The following MYO9B variants were observed in gnomAD, a reference collection of about 807,000 sequenced individuals.
MYO9B encodes the protein unconventional myosin-IXb.
In MYO9B, 71 loss-of-function variants were observed where a neutral mutation model predicts 229.5. That is an observed-to-expected ratio of 0.31 (90% CI 0.26 to 0.38). MYO9B has a LOEUF of 0.38. MYO9B is among the 10% of genes least tolerant of loss of function. MYO9B has a pLI of 1.00. For synonymous variants in MYO9B, 1,185 were observed against 1,235.8 expected (o/e 0.96, Z 0.86); for missense variants, 2,255 against 2,920.5 (o/e 0.77, Z 5.25).
In MYO9B at chr19:17,200,843, G is replaced by T. The variant is rs181800017; in HGVS notation, c.4563+14G>T. On this transcript the variant is annotated intron_variant, in intron 26 of 39. Transcript: ENST00000682292. Reference sequence around the variant, plus strand: ...CTGCTCAACAAGGTGGGATCACTAGGCGAGGGCCAGGGGCATGAGGCCCGG... The same window carrying T: ...CTGCTCAACAAGGTGGGATCACTAGTCGAGGGCCAGGGGCATGAGGCCCGG... The T allele has an allele frequency of 3.4e-4, 543 of 1,611,824 alleles. 2 individuals are homozygous for T. In the African/African-American group the frequency reaches 6.9e-3, roughly 21 times the overall value.
At chr19:17,200,037 A>G (rs1309393216) in intron 24 of MYO9B, among the ~76,000 whole-genome samples, 3 of 151,134 alleles carry the variant, frequency 2.0e-5, no homozygotes, top group African/African-American at 7.3e-5. Context: ...ACGCCCTGCT[A>G]TTTTTTTGTA....
At chr19:17,209,182 T>C (rs1448359119) in intron 35 of MYO9B, among the ~76,000 whole-genome samples, 2 of 152,214 alleles carry the variant, frequency 1.3e-5, no homozygotes, top group African/African-American at 4.8e-5. Flanking sequence ...CCTCTGATAC[T>C]GACAACACCA....
Position 17,212,590 on chromosome 19 carries a change from G to A in MYO9B, c.*280G>A, listed in dbSNP as rs1167455626. The A allele has an allele frequency of 9.4e-6, 4 of 424,598 alleles. No individual in the cohort carries two copies. The highest frequency in any genetic ancestry group is 1.7e-5 in the Non-Finnish European group (4 of 241,012). 26.3% of individuals were successfully genotyped at this position (424,598 alleles called of 1,614,324 possible). ...CATCTCCCCACTCCCCTTTTTGTAC[G>A]TTTAACTGTTTCTTTGTACGTGGTT... On this transcript the variant is annotated 3_prime_UTR_variant, in exon 40 of 40. Coordinates refer to ENST00000682292, the MANE Select transcript of MYO9B (RefSeq NM_004145.4). The surrounding 1 kb of genome is among the most constrained non-coding windows in gnomAD (Gnocchi z 5.4).
At position 17,157,026 on chromosome 19, in the gene MYO9B, G is replaced by A. The variant is rs779720862; in HGVS notation, c.1317G>A (p.Ser439=). ...VGPPEVLDTL[S]QLLKVKREIL... ...CACCCGAGGTGCTGGACACCCTGTC[G>A]CAGCTTCTGAAGGTACTGATTGCCA... Residue 439 remains serine, a synonymous_variant, in exon 7 of 40, where the codon TCG becomes TCA. Coordinates refer to ENST00000682292, the MANE Select transcript of MYO9B (RefSeq NM_004145.4). 25 of 1,613,218 alleles carry A rather than the reference G, an allele frequency of 1.5e-5. No individual in the cohort carries two copies. Among genetic ancestry groups the A allele is most frequent in the South Asian group, 1.4e-4 (13 of 91,026 alleles).
chr19:17,101,805 A>AGCCAGGCCTCGT lies in MYO9B; in HGVS notation c.92_103dup (p.Gln31_Cys34dup). On this transcript the variant is annotated inframe_insertion, in exon 2 of 40. Transcript: ENST00000682292. The surrounding 1 kb of genome is among the most constrained non-coding windows in gnomAD (Gnocchi z 4.7). ...CTACCCCCAGCTGTCCACCACCGAG[A>AGCCAGGCCTCGT]GCCAGGCCTCGTGCCGCGTGACTGC... 1 of 1,606,932 alleles carries AGCCAGGCCTCGT rather than the reference A, an allele frequency of 6.2e-7. No homozygotes were observed. Among genetic ancestry groups the AGCCAGGCCTCGT allele is most frequent in the Non-Finnish European group, 8.5e-7 (1 of 1,178,998 alleles).
chr19:17,199,876 T>G (rs1466550471), intron 24 of MYO9B, among the ~76,000 whole-genome samples: 2 of 150,786 alleles, frequency 1.3e-5, no homozygotes, highest in African/African-American at 4.9e-5. Context: ...TTTTTGTTTT[T>G]TTTTTTGAGA....
intron 2 of MYO9B, among the ~76,000 whole-genome samples, chr19:17,113,146 A>C (rs559392477): frequency 6.6e-6 from 1 of 152,222 alleles, no homozygotes; most frequent in African/African-American, 2.4e-5. Flanking sequence ...TCTATGTTAC[A>C]TGAATGCAGA....
intron 1 of MYO9B, among the ~76,000 whole-genome samples, chr19:17,086,617 C>T (rs1287036486): frequency 1.3e-5 from 2 of 152,186 alleles, no homozygotes; most frequent in Non-Finnish European, 2.9e-5. Context: ...CAATGGCTCA[C>T]GCCTGTAATT....
chr19:17,099,977 C>T (rs1276810810), intron 1 of MYO9B, among the ~76,000 whole-genome samples: 2 of 151,320 alleles, frequency 1.3e-5, no homozygotes, highest in African/African-American at 4.9e-5. Flanking sequence ...AAAAATTAGC[C>T]GGGCGTGGTG....
intron 2 of MYO9B, among the ~76,000 whole-genome samples, chr19:17,129,993 A>G (rs556792660): frequency 4.1e-4 from 62 of 151,986 alleles, no homozygotes; most frequent in African/African-American, 1.3e-3. Context: ...CTTTTCAGTT[A>G]TTTTTCTTTA....
At chr19:17,160,120 T>G (rs2072581774) in intron 8 of MYO9B, among the ~76,000 whole-genome samples, 1 of 152,198 alleles carries the variant, frequency 6.6e-6, no homozygotes, top group African/African-American at 2.4e-5. Flanking sequence ...GCAGGATCAC[T>G]TGCAGCTTGT....
chr19:17,143,247 A>G (rs1372793663), intron 2 of MYO9B, among the ~76,000 whole-genome samples: 2 of 150,750 alleles, frequency 1.3e-5, no homozygotes, highest in Non-Finnish European at 3.0e-5. Flanking sequence ...CAAAAAAAAA[A>G]CAAACAAACT....
chr19:17,155,777 G>A (rs1002854394), intron 6 of MYO9B, among the ~76,000 whole-genome samples: 1 of 151,972 alleles, frequency 6.6e-6, no homozygotes, highest in South Asian at 2.1e-4. Flanking sequence ...CCAGCACTTT[G>A]GGAGGCCAAG....
In MYO9B at chr19:17,206,756, C is replaced by G. The variant is rs762335743; in HGVS notation, c.5464C>G (p.Leu1822Val). 1 of 1,589,912 alleles carries G rather than the reference C, an allele frequency of 6.3e-7. No individual in the cohort carries two copies. The highest frequency in any genetic ancestry group is 8.6e-7 in the Non-Finnish European group (1 of 1,168,896). The change falls in exon 34 of 40, where the codon CTG becomes GTG. Residue 1822 changes from leucine to valine, a missense_variant. By Grantham distance (32) the Leu-to-Val change is conservative. Transcript: ENST00000682292. Reference sequence around the variant, plus strand: ...CCTTCCAGAAGCCAACCACAACTCCCTGGAGAGACTCATCTTCCACCTTGT... The same window carrying G: ...CCTTCCAGAAGCCAACCACAACTCCGTGGAGAGACTCATCTTCCACCTTGT... ...EHLPEANHNS[L>V]ERLIFHLVKV...
chr19:17,190,275 C>G (rs892255533), intron 19 of MYO9B, among the ~76,000 whole-genome samples: 5 of 150,718 alleles, frequency 3.3e-5, no homozygotes, highest in African/African-American at 1.2e-4. Flanking sequence ...CTCACTCCAA[C>G]CTCCATCTCC....
Position 17,172,870 on chromosome 19 carries a change from T to C in MYO9B, c.2047T>C (p.Phe683Leu). The change falls in exon 13 of 40, where the codon TTC becomes CTC. Residue 683 changes from phenylalanine to leucine, a missense_variant. This residue lies in a region of MYO9B where 220 missense variants were observed against 404.5 expected (regional missense o/e 0.54). Transcript: ENST00000682292. This position sits in a 1 kb window ranked among gnomAD's most constrained non-coding sequence, Gnocchi z 8.2. ...CATCGGCATGGACCCCGTGGCCGTG[T>C]TCCGCTGGGCCGTGCTCCGGGCTGC... is the stretch of plus-strand genomic sequence containing the variant. ...ELIGMDPVAV[F>L]RWAVLRAAIR... 6.2e-7 allele frequency: 1 copy of C among 1,607,382 alleles called. No homozygotes were observed. Among genetic ancestry groups the C allele is most frequent in the South Asian group, 1.1e-5 (1 of 91,068 alleles).
At chr19:17,075,917 C>G (rs1600002608) in intron 1 of MYO9B, 43 bp downstream of exon 1, 1 of 151,992 alleles carries the variant, frequency 6.6e-6, no homozygotes, top group Admixed American at 6.6e-5. Context: ...GAGCTCGAAG[C>G]CTGCCTTTGG....
intron 7 of MYO9B, among the ~76,000 whole-genome samples, chr19:17,158,301 G>A (rs2072559174): frequency 1.3e-5 from 2 of 152,212 alleles, no homozygotes; most frequent in African/African-American, 4.8e-5. Flanking sequence ...GCCAGGCACG[G>A]TGGCTCACGC....
chr19:17,197,712 A>G (rs2073061288), intron 22 of MYO9B, 80 bp from the exon 23 acceptor site: 1 of 1,540,950 alleles, frequency 6.5e-7, no homozygotes, highest in Admixed American at 1.7e-5. Flanking sequence ...TGCCCAAGTG[A>G]GAACCCAAGA....
Sources: allele counts gnomAD v4.1 joint callset (sites outside exome capture counted in the v4.1 genomes callset), GRCh38; gene constraint gnomAD v4.1.1; regional missense constraint gnomAD v4.1.1; non-coding constraint Gnocchi (gnomAD v3.1); transcripts MANE v1.5; gene names NCBI Gene and HGNC (gene_info 2026-07-23, HGNC 2026-07-21).